SLC10A7: variants seen among roughly 807,000 people sequenced by gnomAD.
SLC10A7 encodes the protein sodium/bile acid cotransporter 7.
A neutral mutation model predicts 43.2 loss-of-function variants in SLC10A7; 29 were observed. The ratio of observed to expected loss-of-function variants is 0.67; its 90% CI spans 0.50 to 0.92. SLC10A7 has a LOEUF of 0.92. Ranked by LOEUF, SLC10A7 falls within the 40% of genes least tolerant of loss-of-function variation. The pLI is 0.00. For synonymous variants in SLC10A7, 152 were observed against 144.8 expected (o/e 1.05, Z -0.35); for missense variants, 295 against 403.2 (o/e 0.73, Z 2.30).
At chr4:146,505,845 C>T (rs1006991776) in intron 3 of SLC10A7, among the ~76,000 whole-genome samples, 1 of 152,198 alleles carries the variant, frequency 6.6e-6, no homozygotes, top group Non-Finnish European at 1.5e-5. Flanking sequence ...AAACACTTTA[C>T]ATACTATCTC....
chr4:146,519,066 CATATATATATATATAT>C lies in SLC10A7; in HGVS notation c.101-1962_101-1947del, dbSNP rs869090267. Among the ~76,000 whole-genome samples the C allele has an allele frequency of 2.5e-3, 15 of 5,980 alleles. 1 individual carries two copies. Among genetic ancestry groups the C allele is most frequent in the African/African-American group, 9.9e-3 (13 of 1,316 alleles). The allele number at this position is 5,980 out of a possible 152,430, so 3.9% of individuals were successfully genotyped here. ...GAAGACCAAGCTCAGGAAAAATCAC[CATATATATATATATAT>C]ATATATATATATATATATATATATA... On this transcript the variant is annotated intron_variant, in intron 1 of 11. Coordinates refer to ENST00000335472, the MANE Select transcript of SLC10A7 (RefSeq NM_001029998.6).
At chr4:146,386,622 C>T (rs1738016964) in intron 5 of SLC10A7, among the ~76,000 whole-genome samples, 1 of 152,176 alleles carries the variant, frequency 6.6e-6, no homozygotes, top group South Asian at 2.1e-4. Flanking sequence ...ACCTAATGAA[C>T]TCTCAGCACT....
At chr4:146,322,962 C>A (rs1207741466) in intron 6 of SLC10A7, among the ~76,000 whole-genome samples, 1 of 152,184 alleles carries the variant, frequency 6.6e-6, no homozygotes, top group Non-Finnish European at 1.5e-5. Context: ...TTGCATTTCT[C>A]TGATGGCCAG....
chr4:146,463,173 G>A (rs769361740), intron 4 of SLC10A7, among the ~76,000 whole-genome samples: 3 of 151,984 alleles, frequency 2.0e-5, no homozygotes, highest in South Asian at 2.1e-4. Context: ...TTGGGAAAAC[G>A]GCCTGAAATA....
chr4:146,305,083 C>G (rs941406017), intron 7 of SLC10A7, among the ~76,000 whole-genome samples: 1 of 150,994 alleles, frequency 6.6e-6, no homozygotes, highest in Admixed American at 6.6e-5. Flanking sequence ...GGGTATATAC[C>G]CAAAGGACTA....
chr4:146,364,885 T>C (rs1044857361), intron 5 of SLC10A7, among the ~76,000 whole-genome samples: 1 of 152,092 alleles, frequency 6.6e-6, no homozygotes, highest in African/African-American at 2.4e-5. Flanking sequence ...AAAAATCATA[T>C]GTACCCCATA....
rs149009639 is a variant in SLC10A7 at position 146,405,976 on chromosome 4, G to A, written c.435+36807C>T. Among the ~76,000 whole-genome samples, 581 of 152,214 alleles carry A rather than the reference G, an allele frequency of 3.8e-3. 2 individuals carry two copies. The highest frequency in any genetic ancestry group is 0.013 in the African/African-American group (530 of 41,552). ...GAAAAAAGGATATCTTTTCCATAAA[G>A]CCATTTTTGACAAGTACTGTAAAGC... On this transcript the variant is annotated intron_variant, in intron 5 of 11. Coordinates refer to ENST00000335472, the MANE Select transcript of SLC10A7 (RefSeq NM_001029998.6).
chr4:146,273,784 T>A lies in SLC10A7; in HGVS notation c.847+9408A>T, dbSNP rs570063982. Among the ~76,000 whole-genome samples, 8 of 152,158 alleles carry A rather than the reference T, an allele frequency of 5.3e-5. No individual in the cohort carries two copies. In the South Asian group the frequency reaches 1.5e-3, roughly 28 times the overall value. Reference sequence around the variant, plus strand: ...CACTGCAGATGGTGATGCTGTGGACTGCCCTGGGAACTGAAACTCCCTCCC... The same window carrying A: ...CACTGCAGATGGTGATGCTGTGGACAGCCCTGGGAACTGAAACTCCCTCCC... On this transcript the variant is annotated intron_variant, in intron 10 of 11. Coordinates refer to ENST00000335472, the MANE Select transcript of SLC10A7 (RefSeq NM_001029998.6).
chr4:146,377,407 T>G (rs114846465), intron 5 of SLC10A7, among the ~76,000 whole-genome samples: 1 of 152,246 alleles, frequency 6.6e-6, no homozygotes, highest in African/African-American at 2.4e-5. Context: ...TAAAGGAGCA[T>G]TAATTGTAAC....
intron 5 of SLC10A7, among the ~76,000 whole-genome samples, chr4:146,414,293 T>C (rs867157587): frequency 2.0e-5 from 3 of 152,194 alleles, no homozygotes; most frequent in Admixed American, 6.5e-5. Flanking sequence ...AACACACCCA[T>C]GTGCCCCCAC....
At chr4:146,442,629 C>T (rs1730690973) in intron 5 of SLC10A7, 154 bp downstream of exon 5, 1 of 1,471,646 alleles carries the variant, frequency 6.8e-7, no homozygotes, top group Non-Finnish European at 8.9e-7. Context: ...TCATTAACTA[C>T]TTTTCTTCAG....
intron 6 of SLC10A7, among the ~76,000 whole-genome samples, chr4:146,316,488 C>A (rs1021198287): frequency 3.3e-5 from 5 of 152,180 alleles, no homozygotes; most frequent in African/African-American, 1.2e-4. Context: ...AGCAAAAAAG[C>A]AGCCATCTAT....
At chr4:146,369,618 C>T (rs1295982928) in intron 5 of SLC10A7, among the ~76,000 whole-genome samples, 1 of 152,062 alleles carries the variant, frequency 6.6e-6, no homozygotes. Context: ...CTCCAGCAGA[C>T]AAATGACGCT....
chr4:146,442,008 T>A, intron 5 of SLC10A7: 1 of 979,310 alleles, frequency 1.0e-6, no homozygotes, highest in Non-Finnish European at 1.2e-6. Flanking sequence ...GCACTACATA[T>A]CTGCTAATGA....
intron 2 of SLC10A7, among the ~76,000 whole-genome samples, chr4:146,515,935 C>T (rs977835113): frequency 2.4e-4 from 30 of 123,740 alleles, no homozygotes; most frequent in African/African-American, 8.7e-4. Context: ...AAAAAAAAAA[C>T]CCAATGAAAA....
intron 5 of SLC10A7, among the ~76,000 whole-genome samples, chr4:146,421,968 G>GT (rs1728995330): frequency 6.6e-6 from 1 of 152,104 alleles, no homozygotes; most frequent in Non-Finnish European, 1.5e-5. Flanking sequence ...TTCTCTGAGT[G>GT]TTTTACTTAG....
chr4:146,434,210 C>T (rs1377133910), intron 5 of SLC10A7, among the ~76,000 whole-genome samples: 1 of 152,134 alleles, frequency 6.6e-6, no homozygotes, highest in African/African-American at 2.4e-5. Flanking sequence ...ATCTACGTAA[C>T]ACACAGGACA....
At chr4:146,512,599 A>C (rs1225692514) in intron 2 of SLC10A7, among the ~76,000 whole-genome samples, 5 of 152,150 alleles carry the variant, frequency 3.3e-5, no homozygotes, top group African/African-American at 7.2e-5. Flanking sequence ...CTACTTTATC[A>C]ATAGGTGTAT....
chr4:146,347,085 C>A (rs1560819803), intron 5 of SLC10A7, among the ~76,000 whole-genome samples: 1 of 152,004 alleles, frequency 6.6e-6, no homozygotes, highest in African/African-American at 2.4e-5. Context: ...AAACTAAGAC[C>A]CAAATGATCA....
Sources: gnomAD v4.1 joint callset for allele counts (sites outside exome capture counted in the v4.1 genomes callset) on GRCh38, gnomAD v4.1.1 for gene constraint, MANE v1.5 for transcripts, NCBI Gene and HGNC (gene_info 2026-07-23, HGNC 2026-07-21) for gene names.